Variants in ZBTB8B observed in about 807,000 individuals in gnomAD.
The protein encoded by ZBTB8B is zinc finger and BTB domain-containing protein 8B.
In ZBTB8B, 17 loss-of-function variants were observed where a neutral mutation model predicts 30.3. That is an observed-to-expected ratio of 0.56 (90% CI 0.38 to 0.84). ZBTB8B has a LOEUF of 0.84. ZBTB8B is among the 40% of genes least tolerant of loss of function. The probability of loss-of-function intolerance (pLI) is 0.00; values close to 1 mark genes in which losing one functional copy is unlikely to be tolerated. For synonymous variants in ZBTB8B, 248 were observed against 255.6 expected, an observed-to-expected ratio of 0.97 and a Z score of 0.28; for missense variants, 515 against 644.9, an observed-to-expected ratio of 0.80 and a Z score of 2.18.
intron 2 of ZBTB8B, among the ~76,000 whole-genome samples, chr1:32,472,436 T>A (rs1025715056): frequency 6.6e-6 from 1 of 152,208 alleles, no homozygotes; most frequent in Admixed American, 6.5e-5. Context: ...CATATCATCT[T>A]AGATTTCCTC....
At chr1:32,481,692 A>T (rs956012100) in intron 3 of ZBTB8B, among the ~76,000 whole-genome samples, 1 of 152,130 alleles carries the variant, frequency 6.6e-6, no homozygotes, top group African/African-American at 2.4e-5. Flanking sequence ...GGGTAAACTC[A>T]TGTCACAGGG....
rs1287002100 is a variant in ZBTB8B at position 32,471,032 on chromosome 1, A to T, written c.408A>T (p.Ala136=). 4.5e-5 allele frequency: 69 copies of T among 1,550,496 alleles called. No individual in the cohort carries two copies. The highest frequency in any genetic ancestry group is 5.8e-5 in the Non-Finnish European group (66 of 1,146,220). Residue 136 remains alanine (A), a synonymous_variant, in exon 2 of 4, where the codon GCA becomes GCT. Transcript: ENST00000609129. The part of the protein sequence containing the change: ...RKMEKEAAVA[A]AVAAAAAAAA... ...TGGAGAAGGAGGCTGCTGTGGCTGC[A>T]GCAGTGGCGGCGGCAGCGGCGGCGG... is the stretch of plus-strand genomic sequence containing the variant.
intron 1 of ZBTB8B, among the ~76,000 whole-genome samples, chr1:32,467,282 G>A (rs1014521109): frequency 2.2e-5 from 3 of 133,946 alleles, no homozygotes; most frequent in Non-Finnish European, 1.5e-5. Context: ...TCGCACTATC[G>A]CCCAGGCTGG....
At position 32,493,998 on chromosome 1, in the gene ZBTB8B, T is replaced by G. The variant is rs1386203538; in HGVS notation, c.*8580T>G. On this transcript the variant is annotated 3_prime_UTR_variant, in exon 4 of 4. Transcript: ENST00000609129. ...GGTGGATCCCTTGAGGTCAGGAGTT[T>G]GAGACCAGCCTGACCAACATGGTGA... is the stretch of plus-strand genomic sequence containing the variant. 2.0e-5 allele frequency: 3 copies of G among 150,824 alleles called. No homozygotes were observed. The highest frequency in any genetic ancestry group is 4.4e-5 in the Non-Finnish European group (3 of 67,666). The allele number at this position is 150,824 out of a possible 1,614,324, so 9.3% of individuals were successfully genotyped here. A position where few individuals can be genotyped will look rare whatever the true frequency, so the allele number is the denominator to read the frequency against.
intron 2 of ZBTB8B, among the ~76,000 whole-genome samples, chr1:32,472,808 G>A (rs545736791): frequency 1.1e-4 from 17 of 152,282 alleles, no homozygotes; most frequent in Admixed American, 4.6e-4. Context: ...GTAGAGACAG[G>A]GTTTCACCAT....
Position 32,470,793 on chromosome 1 carries a change from A to G in ZBTB8B, c.169A>G (p.Ile57Val), listed in dbSNP as rs973076159. The change falls in exon 2 of 4, where the codon ATC becomes GTC. Residue 57 changes from isoleucine to valine, a missense_variant. This residue lies in a region of ZBTB8B where 61 missense variants were observed against 117.7 expected (regional missense o/e 0.52). Coordinates refer to ENST00000609129, the MANE Select transcript of ZBTB8B (RefSeq NM_001145720.2). ...CTTCCGAGCCCTGCTCATTCACTAT[A>G]TCCAGGACAGCGGGCGGCATAGCAC... Reference protein sequence around the residue: ...GYFRALLIHYIQDSGRHSTAS... With the variant: ...GYFRALLIHYVQDSGRHSTAS... 6.4e-7 allele frequency: 1 copy of G among 1,551,834 alleles called. No individual in the cohort carries two copies.
In ZBTB8B at chr1:32,487,065, A is replaced by G. The variant is rs1292061853; in HGVS notation, c.*1647A>G. ...TCTTATGTTAAAATATCCAAAATGG[A>G]TTTTAAAAGAAATCTTCTTGTCTTC... On this transcript the variant is annotated 3_prime_UTR_variant, in exon 4 of 4. Coordinates refer to ENST00000609129, the MANE Select transcript of ZBTB8B (RefSeq NM_001145720.2). 1 of 152,208 alleles carries G rather than the reference A, an allele frequency of 6.6e-6. No homozygotes were observed. Among genetic ancestry groups the G allele is most frequent in the Non-Finnish European group, 1.5e-5 (1 of 68,038 alleles). The allele number at this position is 152,208 out of a possible 1,614,324, so 9.4% of individuals were successfully genotyped here. A position where few individuals can be genotyped will look rare whatever the true frequency, so the allele number is the denominator to read the frequency against.
At position 32,495,215 on chromosome 1, in the gene ZBTB8B, G is replaced by A. The variant is rs1297843684; in HGVS notation, c.*9797G>A. ...GCAGCCCACATGATAAGATGGTATT[G>A]AGTAAAAATGTATTCTTAGGTATTT... On this transcript the variant is annotated 3_prime_UTR_variant, in exon 4 of 4. Coordinates refer to ENST00000609129, the MANE Select transcript of ZBTB8B (RefSeq NM_001145720.2). The A allele has an allele frequency of 6.6e-6, 1 of 152,164 alleles. No homozygotes were observed. The highest frequency in any genetic ancestry group is 2.4e-5 in the African/African-American group (1 of 41,452). The allele number at this position is 152,164 out of a possible 1,614,324, so 9.4% of individuals were successfully genotyped here.
intron 2 of ZBTB8B, among the ~76,000 whole-genome samples, chr1:32,473,511 ACT>A (rs1491570493): frequency 1.2e-5 from 1 of 81,280 alleles, no homozygotes; most frequent in East Asian, 4.0e-4. Flanking sequence ...CTGTCTTGAG[ACT>A]TTTTTTTTTT....
In ZBTB8B at chr1:32,492,533, C is replaced by G. The variant is rs982906981; in HGVS notation, c.*7115C>G. On this transcript the variant is annotated 3_prime_UTR_variant, in exon 4 of 4. Transcript: ENST00000609129. ...GGTCAGGCTGATCTCGGCCTGACCT[C>G]AGGCAATCCGCCTCTGCCTCCCAAA... The G allele has an allele frequency of 3.3e-5, 5 of 152,170 alleles. No homozygotes were observed. The highest frequency in any genetic ancestry group is 1.2e-4 in the African/African-American group (5 of 41,394). 9.4% of individuals were successfully genotyped at this position (152,170 alleles called of 1,614,324 possible).
chr1:32,467,243 G>GT (rs1207043175), intron 1 of ZBTB8B, among the ~76,000 whole-genome samples: 14,771 of 134,640 alleles, frequency 0.11, 1,109 homozygotes, highest in East Asian at 0.31. Context: ...CCACACACTT[G>GT]TTTTTTTTTT....
chr1:32,480,778 CCTCTT>C, intron 2 of ZBTB8B, 108 bp from the exon 3 acceptor site: 1 of 1,020,026 alleles, frequency 9.8e-7, no homozygotes, highest in South Asian at 2.0e-5. Flanking sequence ...TTGGTGTCCT[CCTCTT>C]CTATCTGGGC....
chr1:32,468,126 A>T (rs1178885990), intron 1 of ZBTB8B, among the ~76,000 whole-genome samples: 1 of 151,786 alleles, frequency 6.6e-6, no homozygotes, highest in African/African-American at 2.4e-5. Context: ...CCATCTCAAA[A>T]AATAATAATA....
chr1:32,485,734 A>C lies in ZBTB8B; in HGVS notation c.*316A>C. 3.5e-6 allele frequency: 1 copy of C among 288,134 alleles called. No individual in the cohort carries two copies. The highest frequency in any genetic ancestry group is 6.5e-6 in the Non-Finnish European group (1 of 153,302). 17.8% of individuals were successfully genotyped at this position (288,134 alleles called of 1,614,324 possible). ...CTCTGGTTAGGAGAAAGATAAGAAAATCTCCAGGCTTGTTTTTATATTGAT... is the reference window on the plus strand; with the variant it reads ...CTCTGGTTAGGAGAAAGATAAGAAACTCTCCAGGCTTGTTTTTATATTGAT... On this transcript the variant is annotated 3_prime_UTR_variant, in exon 4 of 4. Transcript: ENST00000609129.
rs1306916941 is a variant in ZBTB8B, at chr1:32,483,259, A to C, written c.1171-1842A>C. Reference sequence around the variant, plus strand: ...ACTAAAAATCCAAAAAAAAAAAAAAAAAAAAAAAAAAAAAAATTAGCCAGG... The same window carrying C: ...ACTAAAAATCCAAAAAAAAAAAAAACAAAAAAAAAAAAAAAATTAGCCAGG... On this transcript the variant is annotated intron_variant, in intron 3 of 3. Coordinates refer to ENST00000609129, the MANE Select transcript of ZBTB8B (RefSeq NM_001145720.2). 2.2e-3 allele frequency among the ~76,000 whole-genome samples: 320 copies of C among 146,826 alleles called. 7 individuals are homozygous for C. Among genetic ancestry groups the C allele is most frequent in the African/African-American group, 6.0e-3 (237 of 39,724 alleles).
intron 2 of ZBTB8B, among the ~76,000 whole-genome samples, chr1:32,479,724 A>C (rs944833732): frequency 1.3e-5 from 2 of 152,166 alleles, no homozygotes; most frequent in African/African-American, 4.8e-5. Context: ...TCCTGGAACC[A>C]ATTCCCAGTG....
In ZBTB8B at chr1:32,493,917, C is replaced by T. The variant is rs1375303511; in HGVS notation, c.*8499C>T. ...AATTAATACCCCAGAAATCAGGATACATGCCAGGCGTCGGGGCTTACGCCT... is the reference window on the plus strand; with the variant it reads ...AATTAATACCCCAGAAATCAGGATATATGCCAGGCGTCGGGGCTTACGCCT... On this transcript the variant is annotated 3_prime_UTR_variant, in exon 4 of 4. Transcript: ENST00000609129. 1.3e-5 allele frequency: 2 copies of T among 152,004 alleles called. No homozygotes were observed. Among genetic ancestry groups the T allele is most frequent in the African/African-American group, 4.8e-5 (2 of 41,476 alleles). The allele number at this position is 152,004 out of a possible 1,614,324, so 9.4% of individuals were successfully genotyped here.
chr1:32,480,800 A>T, intron 2 of ZBTB8B, 91 bp from the exon 3 acceptor site: 1 of 1,282,712 alleles, frequency 7.8e-7, no homozygotes, highest in Non-Finnish European at 1.1e-6. Context: ...GGGCTGGTGG[A>T]ATTCCCCAGC....
rs1342340499 is a variant in ZBTB8B at position 32,470,918 on chromosome 1, G to T, written c.294G>T (p.Val98=). ...LDLCGENVIE[V]MSAASYLQMN... The stretch of plus-strand genomic sequence containing the variant: ...TGTGTGGGGAGAATGTGATTGAAGT[G>T]ATGTCGGCTGCCAGCTACCTGCAGA... Residue 98 remains valine, a synonymous_variant, in exon 2 of 4, where the codon GTG becomes GTT. Coordinates refer to ENST00000609129, the MANE Select transcript of ZBTB8B (RefSeq NM_001145720.2). 6 of 1,552,198 alleles carry T rather than the reference G, an allele frequency of 3.9e-6. No individual in the cohort carries two copies. The highest frequency in any genetic ancestry group is 1.4e-5 in the African/African-American group (1 of 73,176).
Sources: allele counts gnomAD v4.1 joint callset (sites outside exome capture counted in the v4.1 genomes callset), GRCh38; gene constraint gnomAD v4.1.1; regional missense constraint gnomAD v4.1.1; transcripts MANE v1.5; gene names NCBI Gene and HGNC (gene_info 2026-07-23, HGNC 2026-07-21).